Variants in CDC42BPA observed in about 807,000 individuals in gnomAD.
CDC42BPA encodes serine/threonine-protein kinase MRCK alpha.
A neutral mutation model predicts 223.5 loss-of-function variants in CDC42BPA; 80 were observed. The ratio of observed to expected loss-of-function variants is 0.36; its 90% CI spans 0.30 to 0.43. The LOEUF is 0.43. CDC42BPA is among the 20% of genes least tolerant of loss of function. CDC42BPA has a pLI of 1.00. For missense variants in CDC42BPA, 1,743 were observed against 2,099.9 expected (o/e 0.83, Z 3.32); for synonymous variants, 694 against 718.6 (o/e 0.97, Z 0.55).
intron 1 of CDC42BPA, among the ~76,000 whole-genome samples, chr1:227,286,572 T>C (rs933628497): frequency 6.6e-6 from 1 of 152,150 alleles, no homozygotes; most frequent in Non-Finnish European, 1.5e-5. Context: ...TCCAAACTCT[T>C]CCAACCTCCG....
intron 1 of CDC42BPA, among the ~76,000 whole-genome samples, chr1:227,258,716 A>G (rs1174751565): frequency 6.6e-6 from 1 of 151,114 alleles, no homozygotes; most frequent in African/African-American, 2.5e-5. Flanking sequence ...AACTGATTAT[A>G]CGTTCAACTT....
intron 21 of CDC42BPA, 91 bp from the exon 22 acceptor site, chr1:227,052,076 A>G: frequency 3.2e-6 from 2 of 623,786 alleles, no homozygotes; most frequent in Admixed American, 4.4e-5. Context: ...CATGATTATG[A>G]CAACATTTCT....
intron 1 of CDC42BPA, among the ~76,000 whole-genome samples, chr1:227,276,789 T>C (rs903988051): frequency 1.3e-5 from 2 of 152,168 alleles, no homozygotes; most frequent in African/African-American, 4.8e-5. Flanking sequence ...AACCCTGTGC[T>C]CTCTGAAACA....
At chr1:227,167,698 G>A (rs1217680347) in intron 5 of CDC42BPA, among the ~76,000 whole-genome samples, 2 of 152,120 alleles carry the variant, frequency 1.3e-5, no homozygotes, top group African/African-American at 4.8e-5. Context: ...AATCTCTGAT[G>A]AGTTCAAGAC....
At chr1:227,296,040 C>T (rs908856739) in intron 1 of CDC42BPA, among the ~76,000 whole-genome samples, 26 of 152,168 alleles carry the variant, frequency 1.7e-4, no homozygotes, top group African/African-American at 6.3e-4. Flanking sequence ...TATGGAACTG[C>T]AAGGAGCCCA....
At chr1:227,315,578 T>TAAAAA (rs10635986) in intron 1 of CDC42BPA, among the ~76,000 whole-genome samples, 28,735 of 148,226 alleles carry the variant, frequency 0.19, 3,045 homozygotes, top group East Asian at 0.35. Flanking sequence ...CTTTAAGTCT[T>TAAAAA]AAAAAAAAAA....
intron 1 of CDC42BPA, among the ~76,000 whole-genome samples, chr1:227,257,187 G>A (rs1683224761): frequency 6.6e-6 from 1 of 152,110 alleles, no homozygotes; most frequent in African/African-American, 2.4e-5. Context: ...TGGGGGACAG[G>A]AGAATGAAAA....
intron 3 of CDC42BPA, among the ~76,000 whole-genome samples, chr1:227,212,671 T>C (rs1454174656): frequency 6.6e-6 from 1 of 152,182 alleles, no homozygotes; most frequent in African/African-American, 2.4e-5. Flanking sequence ...TTACTAGATT[T>C]TACTACAACT....
At chr1:227,293,292 T>C (rs1419711365) in intron 1 of CDC42BPA, among the ~76,000 whole-genome samples, 1 of 151,950 alleles carries the variant, frequency 6.6e-6, no homozygotes, top group African/African-American at 2.4e-5. Context: ...TGCCAGAAAA[T>C]AGTGACTATG....
intron 11 of CDC42BPA, among the ~76,000 whole-genome samples, chr1:227,121,117 G>A (rs1442951005): frequency 6.6e-6 from 1 of 152,160 alleles, no homozygotes; most frequent in East Asian, 1.9e-4. Flanking sequence ...TTTGTCGCCC[G>A]AGAATTGGGG....
chr1:227,238,812 A>G (rs1679531122), intron 2 of CDC42BPA, among the ~76,000 whole-genome samples: 1 of 152,218 alleles, frequency 6.6e-6, no homozygotes, highest in Non-Finnish European at 1.5e-5. Context: ...GTATGCACCA[A>G]TTAAGTTTCA....
intron 10 of CDC42BPA, among the ~76,000 whole-genome samples, chr1:227,135,532 A>T (rs1305166332): frequency 6.6e-6 from 1 of 152,092 alleles, no homozygotes; most frequent in Non-Finnish European, 1.5e-5. Context: ...GGGCATTTGA[A>T]ATCAAAGGTA....
At position 226,991,194 on chromosome 1, in the gene CDC42BPA, CAGAT is replaced by C. The variant is rs1223734876; in HGVS notation, c.*3070_*3073del. ...ACATAGATAGCACCAAATACTAACA[CAGAT>C]AGACTATCCCAGAAATGCCTCTGAA... On this transcript the variant is annotated 3_prime_UTR_variant, in exon 37 of 37. Transcript: ENST00000366766. 1 of 152,636 alleles carries C rather than the reference CAGAT, an allele frequency of 6.6e-6. No individual in the cohort carries two copies. Among genetic ancestry groups the C allele is most frequent in the African/African-American group, 2.4e-5 (1 of 41,460 alleles). The allele number at this position is 152,636 out of a possible 1,614,324, so 9.5% of individuals were successfully genotyped here. A position where few individuals can be genotyped will look rare whatever the true frequency, so the allele number is the denominator to read the frequency against.
chr1:227,317,423 A>G lies in CDC42BPA; in HGVS notation c.-241T>C. 2.4e-6 allele frequency: 1 copy of G among 414,438 alleles called. No homozygotes were observed. Among genetic ancestry groups the G allele is most frequent in the Non-Finnish European group, 4.2e-6 (1 of 237,130 alleles). The allele number at this position is 414,438 out of a possible 1,614,324, so 25.7% of individuals were successfully genotyped here. On this transcript the variant is annotated 5_prime_UTR_variant, in exon 1 of 37. The change abolishes the stop of an existing upstream ORF in the 5' untranslated region. Transcript: ENST00000366766. ...GTAAATTACCATAAAATATATACTTAATGCATTTTTAAAAGAATACAATTA... is the reference window on the plus strand; with the variant it reads ...GTAAATTACCATAAAATATATACTTGATGCATTTTTAAAAGAATACAATTA...
intron 5 of CDC42BPA, 60 bp from the exon 6 acceptor site, chr1:227,160,696 G>C: frequency 1.1e-6 from 1 of 937,970 alleles, no homozygotes; most frequent in Non-Finnish European, 1.6e-6. Context: ...TGTTTGGTAA[G>C]ATATTCTTTT....
intron 2 of CDC42BPA, chr1:227,235,160 TGAG>T (rs942146429): frequency 2.0e-5 from 3 of 152,094 alleles, no homozygotes; most frequent in African/African-American, 4.8e-5. Context: ...ACCAAAGAAA[TGAG>T]GAGAACCTAC....
intron 2 of CDC42BPA, among the ~76,000 whole-genome samples, chr1:227,223,739 C>T (rs1316244999): frequency 6.6e-6 from 1 of 152,146 alleles, no homozygotes; most frequent in South Asian, 2.1e-4. Flanking sequence ...AATAGTTCAA[C>T]TGATGATTTT....
At chr1:227,015,406 G>A (rs890760395) in intron 34 of CDC42BPA, among the ~76,000 whole-genome samples, 1 of 150,882 alleles carries the variant, frequency 6.6e-6, no homozygotes, top group Non-Finnish European at 1.5e-5. Flanking sequence ...CTGGGTGATA[G>A]AATGAGACTC....
At chr1:227,185,753 C>T (rs890027620) in intron 5 of CDC42BPA, among the ~76,000 whole-genome samples, 1 of 26,148 alleles carries the variant, frequency 3.8e-5, no homozygotes, top group Non-Finnish European at 1.1e-4. Flanking sequence ...GTGTCCATGT[C>T]GTTTTTTTTC....
Sources: gnomAD v4.1 joint callset for allele counts (sites outside exome capture counted in the v4.1 genomes callset) on GRCh38, gnomAD v4.1.1 for gene constraint, MANE v1.5 for transcripts, NCBI Gene and HGNC (gene_info 2026-07-23, HGNC 2026-07-21) for gene names.